The following CEP170B variants were observed in gnomAD, a reference collection of about 807,000 sequenced individuals.
CEP170B encodes centrosomal protein of 170 kDa protein B.
In CEP170B, 55 loss-of-function variants were observed where a neutral mutation model predicts 120.6. The observed-to-expected ratio is 0.46, with a 90% confidence interval of 0.37 to 0.57. The LOEUF (loss-of-function observed/expected upper bound fraction) is 0.57. Among genes scored for constraint, CEP170B ranks in the 20% least tolerant of loss-of-function variants. CEP170B has a pLI of 0.00. For missense variants in CEP170B, 2,212 were observed against 2,253.3 expected, an observed-to-expected ratio of 0.98 and a Z score of 0.37; for synonymous variants, 1,033 against 954.5, an observed-to-expected ratio of 1.08 and a Z score of -1.52.
chr14:104,869,961 C>CA (rs1895389396), intron 2 of CEP170B, among the ~76,000 whole-genome samples: 2 of 152,348 alleles, frequency 1.3e-5, no homozygotes, highest in African/African-American at 4.8e-5. Flanking sequence ...TGAGTCTGGA[C>CA]CCAGCAGGTC....
At chr14:104,886,214 C>A in intron 11 of CEP170B, 61 bp from the exon 12 acceptor site, 1 of 1,471,456 alleles carries the variant, frequency 6.8e-7, no homozygotes, top group Admixed American at 2.4e-5. Context: ...GCTGCCTCTT[C>A]CTGAGCGTGG....
Position 104,886,805 on chromosome 14 carries a change from C to G in CEP170B, c.2566C>G (p.Pro856Ala), listed in dbSNP as rs756289925. 3 of 1,611,488 alleles carry G rather than the reference C, an allele frequency of 1.9e-6. No individual in the cohort carries two copies. The highest frequency in any genetic ancestry group is 2.2e-5 in the East Asian group (1 of 44,878). ...IQLRPGRSPE[P>A]DGPAPAFLRQ... ...GCTACGGCCTGGACGGTCCCCAGAA[C>G]CCGACGGCCCTGCCCCAGCCTTTCT... The change falls in exon 12 of 19, where the codon CCC (proline) becomes GCC (alanine). Residue 856 changes from proline to alanine, a missense_variant. Transcript: ENST00000414716.
rs781591615 is a variant in CEP170B at position 104,884,230 on chromosome 14, G to A, written c.1451G>A (p.Arg484Gln). The A allele has an allele frequency of 2.8e-4, 428 of 1,543,000 alleles. 1 individual carries two copies. Among genetic ancestry groups the A allele is most frequent in the Non-Finnish European group, 3.4e-4 (385 of 1,146,850 alleles). The change falls in exon 9 of 19, where the codon CGA becomes CAA. Residue 484 changes from arginine (R) to glutamine (Q), a missense_variant. Arg to Gln is a conservative substitution (Grantham distance 43, BLOSUM62 1). Transcript: ENST00000414716. ...ERLGSPSPAS[R>Q]TPARPFGSVG... Reference sequence around the variant, plus strand: ...CTGGGCAGCCCCTCGCCCGCCTCCCGAACCCCTGCCCGCCCCTTCGGAAGC... The same window carrying A: ...CTGGGCAGCCCCTCGCCCGCCTCCCAAACCCCTGCCCGCCCCTTCGGAAGC...
At chr14:104,890,429 A>G (rs1260165080) in intron 13 of CEP170B, among the ~76,000 whole-genome samples, 45 of 58,768 alleles carry the variant, frequency 7.7e-4, no homozygotes, top group African/African-American at 2.2e-3. Context: ...TGAATGGATG[A>G]GTGAGTGGGT....
intron 12 of CEP170B, among the ~76,000 whole-genome samples, chr14:104,889,031 G>A (rs1004135797): frequency 6.6e-6 from 1 of 152,232 alleles, no homozygotes; most frequent in Non-Finnish European, 1.5e-5. Flanking sequence ...CCAGGACTCT[G>A]CCCAGGAGGG....
chr14:104,885,287 C>G, intron 9 of CEP170B, 82 bp from the exon 10 acceptor site: 1 of 1,425,592 alleles, frequency 7.0e-7, no homozygotes, highest in East Asian at 2.6e-5. Flanking sequence ...CTCCCTGTGG[C>G]CTGGGGGTGG....
In CEP170B at chr14:104,886,925, G is replaced by C. The variant is rs1239489378; in HGVS notation, c.2686G>C (p.Ala896Pro). The change falls in exon 12 of 19, where the codon GCC becomes CCC. Residue 896 changes from alanine (A) to proline (P), a missense_variant. This residue lies in a region of CEP170B where 2,166 missense variants were observed against 2,166.7 expected (regional missense o/e 1.00). Transcript: ENST00000414716. Reference protein sequence around the residue: ...ISSHPLLQDLAATRAARMDFH... With the variant: ...ISSHPLLQDLPATRAARMDFH... ...CAGCCACCCGCTTCTACAGGACCTG[G>C]CCGCTACCCGGGCCGCACGCATGGA... The C allele has an allele frequency of 9.3e-6, 15 of 1,609,366 alleles. No individual in the cohort carries two copies. Among genetic ancestry groups the C allele is most frequent in the Non-Finnish European group, 1.1e-5 (13 of 1,179,802 alleles).
At chr14:104,889,111 C>CGCTCT (rs1566871369) in intron 12 of CEP170B, among the ~76,000 whole-genome samples, 3 of 152,326 alleles carry the variant, frequency 2.0e-5, no homozygotes, top group African/African-American at 7.2e-5. Flanking sequence ...GCCTTGCTTG[C>CGCTCT]GCTCTGACTG....
Position 104,889,682 on chromosome 14 carries a change from G to A in CEP170B, c.3802G>A (p.Asp1268Asn), listed in dbSNP as rs749981111. ...TCGTTCCCGGGCCCCCGGCCCCCGG[G>A]ACACGGACGACGATGAGGAGGAGCC... Reference protein sequence around the residue: ...RARSRAPGPRDTDDDEEEPDP... With the variant: ...RARSRAPGPRNTDDDEEEPDP... The change falls in exon 13 of 19, where the codon GAC becomes AAC. Residue 1268 changes from aspartate to asparagine, a missense_variant. This residue lies in a region of CEP170B where 2,166 missense variants were observed against 2,166.7 expected (regional missense o/e 1.00). Transcript: ENST00000414716. The A allele has an allele frequency of 1.9e-6, 3 of 1,612,052 alleles. No homozygotes were observed. The highest frequency in any genetic ancestry group is 2.2e-5 in the East Asian group (1 of 44,814).
At position 104,889,732 on chromosome 14, in the gene CEP170B, G is replaced by A. The variant is rs189719741; in HGVS notation, c.3852G>A (p.Gln1284=). The A allele has an allele frequency of 6.8e-6, 11 of 1,606,492 alleles. No individual in the cohort carries two copies. The East Asian group carries it at 2.2e-4, about 33-fold the overall frequency. ...CTGACCCTTATGGTTTCATCGTGCA[G>A]ACGGCAGAGATTGCGGAGATTGCCA... ...EEPDPYGFIV[Q]TAEIAEIARL... The change falls in exon 13 of 19, where the codon CAG becomes CAA. Residue 1284 remains glutamine, a synonymous_variant. Transcript: ENST00000414716.
intron 2 of CEP170B, among the ~76,000 whole-genome samples, chr14:104,872,828 G>A (rs1345611428): frequency 6.6e-6 from 1 of 152,218 alleles, no homozygotes; most frequent in Non-Finnish European, 1.5e-5. Flanking sequence ...GCCCCAGAGG[G>A]CGTCAGACGT....
intron 6 of CEP170B, among the ~76,000 whole-genome samples, chr14:104,882,392 T>TG (rs1379657199): frequency 1.3e-5 from 2 of 151,276 alleles, no homozygotes; most frequent in African/African-American, 4.9e-5. Context: ...AGGACGGAGG[T>TG]GGGGGGCCCC....
At chr14:104,890,546 G>A (rs1430374880) in intron 13 of CEP170B, among the ~76,000 whole-genome samples, 19 of 120,470 alleles carry the variant, frequency 1.6e-4, no homozygotes, top group Admixed American at 1.7e-4. Context: ...GGATGGATGG[G>A]TGAGTAGGTG....
In CEP170B at chr14:104,884,184, C is replaced by G; in HGVS notation, c.1405C>G (p.Arg469Gly). Residue 469 changes from arginine (R) to glycine (G), a missense_variant, in exon 9 of 19, where the codon CGG becomes GGG. Transcript: ENST00000414716. ...GCCACAGAGGGCCGGCTCGCTCAAG[C>G]GGGAGAAGACAGAGGAACGGCTGGG... The part of the protein sequence containing the change: ...SGPQRAGSLK[R>G]EKTEERLGSP... The G allele has an allele frequency of 6.5e-7, 1 of 1,545,414 alleles. No individual in the cohort carries two copies. Among genetic ancestry groups the G allele is most frequent in the South Asian group, 1.2e-5 (1 of 84,186 alleles).
chr14:104,889,399 G>A (rs906506016), intron 12 of CEP170B: 5 of 1,204,918 alleles, frequency 4.1e-6, no homozygotes, highest in Admixed American at 3.0e-5. Context: ...CACCAGCCTC[G>A]ACGCTGCCCA....
At chr14:104,889,867 T>G (rs1896702932) in intron 13 of CEP170B, 109 bp downstream of exon 13, 5 of 1,172,426 alleles carry the variant, frequency 4.3e-6, no homozygotes, top group Non-Finnish European at 6.0e-6. Flanking sequence ...AGTGGATAGA[T>G]GGTACGGCAG....
Position 104,883,872 on chromosome 14 carries a change from C to A in CEP170B, c.1093C>A (p.Pro365Thr). Residue 365 changes from proline (P) to threonine (T), a missense_variant, in exon 9 of 19, where the codon CCC (proline) becomes ACC (threonine). Pro to Thr is a conservative substitution (Grantham distance 38, BLOSUM62 -1). Transcript: ENST00000414716. ...EDGTQSDSED[P>T]LAKAASAAGV... is the part of the protein sequence containing the mutation. The stretch of plus-strand genomic sequence containing the variant: ...CGGCACGCAGAGTGACTCAGAGGAC[C>A]CCCTGGCCAAGGCGGCCTCGGCCGC... 6.3e-7 allele frequency: 1 copy of A among 1,575,486 alleles called. No homozygotes were observed. The highest frequency in any genetic ancestry group is 8.6e-7 in the Non-Finnish European group (1 of 1,161,342).
chr14:104,880,349 G>GCGAA lies in CEP170B; in HGVS notation c.396_397insCGAA (p.Ala133ArgfsTer44). The GCGAA allele has an allele frequency of 6.2e-7, 1 of 1,612,314 alleles. No individual in the cohort carries two copies. Among genetic ancestry groups the GCGAA allele is most frequent in the Non-Finnish European group, 8.5e-7 (1 of 1,179,512 alleles). Reference sequence around the variant, plus strand: ...AGGGTTTGGCGCCCAAGAGGAGCGAGGCACTGCCGGAACACACACCATACT... The same window carrying GCGAA: ...AGGGTTTGGCGCCCAAGAGGAGCGAGCGAAGCACTGCCGGAACACACACCATACT... On this transcript the variant is annotated frameshift_variant, in exon 6 of 19. Coordinates refer to ENST00000414716, the MANE Select transcript of CEP170B (RefSeq NM_001112726.3). LOFTEE classifies it high-confidence loss of function.
At chr14:104,883,621 A>G in intron 8 of CEP170B, 113 bp downstream of exon 8, 2 of 1,237,200 alleles carry the variant, frequency 1.6e-6, no homozygotes, top group East Asian at 2.6e-5. Context: ...TTGACTTCCC[A>G]TTTTTCAGTT....
Sources: allele counts gnomAD v4.1 joint callset (sites outside exome capture counted in the v4.1 genomes callset), GRCh38; gene constraint gnomAD v4.1.1; regional missense constraint gnomAD v4.1.1; transcripts MANE v1.5; gene names NCBI Gene and HGNC (gene_info 2026-07-23, HGNC 2026-07-21).